The following PSMB3 variants were observed in gnomAD, a reference collection of about 807,000 sequenced individuals.
The protein encoded by PSMB3 is proteasome subunit beta type-3.
In PSMB3, 5 loss-of-function variants were observed where a neutral mutation model predicts 23.3. The observed-to-expected ratio is 0.21, with a 90% CI of 0.11 to 0.45. The LOEUF (loss-of-function observed/expected upper bound fraction) is 0.45. Ranked by LOEUF, PSMB3 falls within the 20% of genes least tolerant of loss-of-function variation. PSMB3 has a pLI of 0.99. For synonymous variants in PSMB3, 85 were observed against 99.8 expected, an observed-to-expected ratio of 0.85 and a Z score of 0.88; for missense variants, 192 against 277.9, an observed-to-expected ratio of 0.69 and a Z score of 2.20.
chr17:38,757,130 C>T (rs1341343893), intron 3 of PSMB3, among the ~76,000 whole-genome samples: 1 of 149,836 alleles, frequency 6.7e-6, no homozygotes, highest in African/African-American at 2.5e-5. Flanking sequence ...GATCTACTGC[C>T]TCCGCTTCTC....
intron 3 of PSMB3, 55 bp downstream of exon 3, chr17:38,756,045 T>A: frequency 1.4e-6 from 2 of 1,382,358 alleles, no homozygotes; most frequent in Middle Eastern, 1.8e-4. Context: ...GAATGTAGTA[T>A]GGAGTAGGTA....
chr17:38,756,693 A>C (rs1908211364), intron 3 of PSMB3, among the ~76,000 whole-genome samples: 1 of 152,010 alleles, frequency 6.6e-6, no homozygotes, highest in South Asian at 2.1e-4. Flanking sequence ...ACAGAGTTTC[A>C]ACATGTGGGT....
At chr17:38,756,921 C>T (rs1394871863) in intron 3 of PSMB3, among the ~76,000 whole-genome samples, 1 of 150,210 alleles carries the variant, frequency 6.7e-6, no homozygotes, top group Non-Finnish European at 1.5e-5. Context: ...GCTCTGTCGC[C>T]CTGGTGTGCA....
chr17:38,755,060 C>A (rs975635775), intron 2 of PSMB3, among the ~76,000 whole-genome samples: 1 of 151,634 alleles, frequency 6.6e-6, no homozygotes, highest in African/African-American at 2.4e-5. Context: ...CTGCAACCTC[C>A]GCCTCCAAGG....
intron 3 of PSMB3, among the ~76,000 whole-genome samples, chr17:38,759,253 A>G (rs1478839636): frequency 1.3e-5 from 2 of 152,238 alleles, no homozygotes; most frequent in Admixed American, 1.3e-4. Context: ...AAAACACTAT[A>G]TCCAAAAATT....
intron 2 of PSMB3, among the ~76,000 whole-genome samples, chr17:38,755,614 A>C (rs1432438020): frequency 6.9e-6 from 1 of 145,430 alleles, no homozygotes; most frequent in South Asian, 2.2e-4. Context: ...GCGCCACTGC[A>C]CTCCAGCCTG....
chr17:38,760,467 G>A lies in PSMB3; in HGVS notation c.333G>A (p.Gly111=), dbSNP rs758265515. ...GPYYTEPVIA[G]LDPKTFKPFI... ...ACTACACTGAGCCAGTCATTGCCGG[G>A]TTGGACCCGAAGACCTTTAAGCCCT... The change falls in exon 4 of 6, where the codon GGG becomes GGA. Residue 111 remains glycine, a synonymous_variant. Transcript: ENST00000619426. 2.5e-6 allele frequency: 4 copies of A among 1,614,226 alleles called. No individual in the cohort carries two copies. Among genetic ancestry groups the A allele is most frequent in the Non-Finnish European group, 3.4e-6 (4 of 1,180,036 alleles).
chr17:38,755,003 CTTTT>C, intron 2 of PSMB3, among the ~76,000 whole-genome samples: 2 of 144,930 alleles, frequency 1.4e-5, no homozygotes, highest in African/African-American at 5.1e-5. Flanking sequence ...GTGCTGCCCC[CTTTT>C]TTTTTTTTTT....
In PSMB3 at chr17:38,758,265, A is replaced by AT. The variant is rs1026726797; in HGVS notation, c.297-2161dup. Among the ~76,000 whole-genome samples the AT allele has an allele frequency of 3.8e-4, 58 of 152,222 alleles. No homozygotes were observed. In the Middle Eastern group the frequency reaches 0.01, roughly 27 times the overall value. On this transcript the variant is annotated intron_variant, in intron 3 of 5. Transcript: ENST00000619426. Reference sequence around the variant, plus strand: ...CGTCAATAGTAGCTAAGAATCCAGAATTTTTCAGGTCACCTAATGTATTTT... The same window carrying AT: ...CGTCAATAGTAGCTAAGAATCCAGAATTTTTTCAGGTCACCTAATGTATTTT...
rs143059284 is a variant in PSMB3 at position 38,757,542 on chromosome 17, C to T, written c.296+1552C>T. On this transcript the variant is annotated intron_variant, in intron 3 of 5. Transcript: ENST00000619426. ...CAAAAGAAATAAAAAATAGGTCGGG[C>T]GTGGTGGCTCATGCCTGTAATCCCA... Among the ~76,000 whole-genome samples, 452 of 151,306 alleles carry T rather than the reference C, an allele frequency of 3.0e-3. 2 individuals are homozygous for T. The highest frequency in any genetic ancestry group is 9.5e-3 in the African/African-American group (390 of 41,252).
intron 3 of PSMB3, 41 bp downstream of exon 3, chr17:38,756,031 C>T: frequency 2.7e-6 from 4 of 1,482,738 alleles, no homozygotes; most frequent in Non-Finnish European, 9.4e-7. Flanking sequence ...ATGCAGACAT[C>T]TTTGAATGTA....
chr17:38,764,165 T>C lies in PSMB3; in HGVS notation c.616T>C (p.Ter206GlnextTer14). 6.2e-7 allele frequency: 1 copy of C among 1,614,186 alleles called. No individual in the cohort carries two copies. Among genetic ancestry groups the C allele is most frequent in the Non-Finnish European group, 8.5e-7 (1 of 1,180,000 alleles). ...TTRTLKARMD[*>Q] Reference sequence around the variant, plus strand: ...CAGGACACTGAAGGCCCGAATGGACTAACCCTGTTCCCAGAGCCCACTTTT... The same window carrying C: ...CAGGACACTGAAGGCCCGAATGGACCAACCCTGTTCCCAGAGCCCACTTTT... Residue 206 changes from the stop codon to glutamine, a stop_lost, in exon 6 of 6, where the codon TAA becomes CAA. Coordinates refer to ENST00000619426, the MANE Select transcript of PSMB3 (RefSeq NM_002795.4).
rs150614932 is a variant in PSMB3, at chr17:38,763,992, C to T, written c.570-127C>T. On this transcript the variant is annotated intron_variant, in intron 5 of 5. Coordinates refer to ENST00000619426, the MANE Select transcript of PSMB3 (RefSeq NM_002795.4). ...GCAGGATAGTTACACCTAGAGGCAGCGGGCAGCTATTTGTTCTGCTCCCTT... is the reference window on the plus strand; with the variant it reads ...GCAGGATAGTTACACCTAGAGGCAGTGGGCAGCTATTTGTTCTGCTCCCTT... 140 of 966,212 alleles carry T rather than the reference C, an allele frequency of 1.4e-4. 1 individual carries two copies. The African/African-American group carries it at 1.5e-3, about 10-fold the overall frequency. The allele number at this position is 966,212 out of a possible 1,614,324, so 59.9% of individuals were successfully genotyped here.
chr17:38,760,360 C>G, intron 3 of PSMB3, 71 bp from the exon 4 acceptor site: 1 of 1,544,770 alleles, frequency 6.5e-7, no homozygotes, highest in Non-Finnish European at 8.8e-7. Context: ...GGGGCCTTGT[C>G]TGAATAGGCT....
At chr17:38,761,428 A>C (rs999078052) in intron 4 of PSMB3, among the ~76,000 whole-genome samples, 1 of 151,568 alleles carries the variant, frequency 6.6e-6, no homozygotes, top group Non-Finnish European at 1.5e-5. Flanking sequence ...AACAAGTGAG[A>C]AGAGATGAGA....
At chr17:38,759,606 G>A (rs986534955) in intron 3 of PSMB3, among the ~76,000 whole-genome samples, 1 of 151,082 alleles carries the variant, frequency 6.6e-6, no homozygotes, top group Non-Finnish European at 1.5e-5. Flanking sequence ...GTGCAGTGGC[G>A]CGATCTCGGC....
At chr17:38,758,579 C>T (rs925690426) in intron 3 of PSMB3, among the ~76,000 whole-genome samples, 1 of 152,116 alleles carries the variant, frequency 6.6e-6, no homozygotes, top group Non-Finnish European at 1.5e-5. Flanking sequence ...TAGGCTCAAG[C>T]AGTCCTCCAG....
intron 4 of PSMB3, 81 bp downstream of exon 4, chr17:38,760,689 G>C (rs1004953778): frequency 3.2e-5 from 48 of 1,499,116 alleles, no homozygotes; most frequent in Non-Finnish European, 1.6e-5. Flanking sequence ...TTATGTGGCA[G>C]GTAATGGGGA....
At chr17:38,757,965 A>G (rs1422731370) in intron 3 of PSMB3, among the ~76,000 whole-genome samples, 1 of 151,906 alleles carries the variant, frequency 6.6e-6, no homozygotes, top group Admixed American at 6.6e-5. Flanking sequence ...ACGAAAAAAA[A>G]AGTTAATAAT....
Sources: gnomAD v4.1 joint callset for allele counts (sites outside exome capture counted in the v4.1 genomes callset) on GRCh38, gnomAD v4.1.1 for gene constraint, MANE v1.5 for transcripts, NCBI Gene and HGNC (gene_info 2026-07-23, HGNC 2026-07-21) for gene names.